KCNQ5: variants seen among roughly 807,000 people sequenced by gnomAD.
KCNQ5 encodes the protein potassium voltage-gated channel subfamily KQT member 5.
KCNQ5 carries 30 observed loss-of-function variants against 98.2 expected under a neutral mutation model. The observed-to-expected ratio is 0.31, with a 90% CI of 0.23 to 0.41. The LOEUF is 0.41. Among genes scored for constraint, KCNQ5 ranks in the 10% least tolerant of loss-of-function variants. The pLI is 1.00. For missense variants in KCNQ5, 835 were observed against 1,182.5 expected (o/e 0.71, Z 4.31); for synonymous variants, 458 against 449.4 (o/e 1.02, Z -0.24).
intron 8 of KCNQ5, among the ~76,000 whole-genome samples, chr6:73,121,632 C>G (rs1775755696): frequency 6.6e-6 from 1 of 152,116 alleles, no homozygotes; most frequent in Admixed American, 6.6e-5. Flanking sequence ...TTCAGGACAC[C>G]TAACTACTGT....
chr6:73,170,754 C>CG (rs1777984576), intron 11 of KCNQ5, among the ~76,000 whole-genome samples: 1 of 151,598 alleles, frequency 6.6e-6, no homozygotes, highest in Admixed American at 6.6e-5. Context: ...GCCAACTTGA[C>CG]GAAACCCTGT....
intron 1 of KCNQ5, among the ~76,000 whole-genome samples, chr6:72,771,212 G>A (rs1772857405): frequency 6.6e-6 from 1 of 152,086 alleles, no homozygotes; most frequent in Non-Finnish European, 1.5e-5. Context: ...GGCAGACAGT[G>A]ACAACAGCAG....
chr6:73,078,373 CA>C lies in KCNQ5; in HGVS notation c.918+490del, dbSNP rs1439403637. 1.2e-4 allele frequency among the ~76,000 whole-genome samples: 19 copies of C among 152,020 alleles called. No homozygotes were observed. The East Asian group carries it at 1.3e-3, about 11-fold the overall frequency. On this transcript the variant is annotated intron_variant, in intron 5 of 13. Transcript: ENST00000370398. ...ATCAGAGATTATAGTCACCTAATTT[CA>C]AAACTTTCCTCTCAAAACCTACTTT...
chr6:72,870,705 A>C (rs116193264), intron 1 of KCNQ5, among the ~76,000 whole-genome samples: 2,118 of 152,312 alleles, frequency 0.014, 39 homozygotes, highest in African/African-American at 0.049. Context: ...GTTCTAAAAA[A>C]TTACTTATTT....
intron 1 of KCNQ5, among the ~76,000 whole-genome samples, chr6:72,786,731 G>A (rs1003750268): frequency 7.9e-5 from 12 of 152,024 alleles, no homozygotes; most frequent in African/African-American, 2.4e-4. Flanking sequence ...CCTGGGCCGG[G>A]CGCGGTGGCT....
chr6:73,055,758 T>C (rs1287132090), intron 3 of KCNQ5: 1 of 1,017,242 alleles, frequency 9.8e-7, no homozygotes, highest in Non-Finnish European at 1.5e-6. Context: ...GACAAGAACT[T>C]GAAGCCCATC....
intron 11 of KCNQ5, among the ~76,000 whole-genome samples, chr6:73,178,630 G>A (rs939820523): frequency 4.6e-5 from 7 of 151,878 alleles, no homozygotes; most frequent in African/African-American, 1.7e-4. Context: ...CACACGTGGA[G>A]CTAATTTACA....
At chr6:73,176,562 C>A (rs1778222905) in intron 11 of KCNQ5, among the ~76,000 whole-genome samples, 4 of 152,174 alleles carry the variant, frequency 2.6e-5, no homozygotes, top group Admixed American at 2.6e-4. Flanking sequence ...ACTCTGATTG[C>A]AATGTAAGGA....
At chr6:72,883,281 A>T (rs1458902630) in intron 1 of KCNQ5, among the ~76,000 whole-genome samples, 1 of 152,140 alleles carries the variant, frequency 6.6e-6, no homozygotes, top group East Asian at 1.9e-4. Context: ...GTAGTAGTTG[A>T]TGCCTCCTGT....
intron 1 of KCNQ5, among the ~76,000 whole-genome samples, chr6:72,721,407 C>A (rs1582169035): frequency 6.7e-6 from 1 of 148,962 alleles, no homozygotes. Context: ...TTGATTTGCA[C>A]TTTTTTTTTT....
intron 10 of KCNQ5, among the ~76,000 whole-genome samples, chr6:73,154,905 T>A (rs756232516): frequency 6.6e-6 from 1 of 151,756 alleles, no homozygotes; most frequent in Non-Finnish European, 1.5e-5. Context: ...AACAAAAAAA[T>A]TAACCATAGT....
chr6:72,754,906 G>T (rs972063873), intron 1 of KCNQ5, among the ~76,000 whole-genome samples: 1 of 151,792 alleles, frequency 6.6e-6, no homozygotes, highest in African/African-American at 2.4e-5. Flanking sequence ...GTGTTGAAAT[G>T]TCCAACTATA....
chr6:72,894,481 G>A (rs989773298), intron 1 of KCNQ5, among the ~76,000 whole-genome samples: 93 of 152,238 alleles, frequency 6.1e-4, no homozygotes, highest in Middle Eastern at 3.4e-3. Context: ...TTTTCCAAGA[G>A]GTTATGTCTC....
At chr6:73,144,109 G>A (rs1212841904) in intron 10 of KCNQ5, among the ~76,000 whole-genome samples, 1 of 152,072 alleles carries the variant, frequency 6.6e-6, no homozygotes, top group Non-Finnish European at 1.5e-5. Flanking sequence ...AAGAAGGGGG[G>A]AAACAAGGTT....
intron 1 of KCNQ5, among the ~76,000 whole-genome samples, chr6:72,642,374 G>T (rs1228300335): frequency 6.6e-6 from 1 of 151,718 alleles, no homozygotes; most frequent in African/African-American, 2.4e-5. Flanking sequence ...AGGATGTGCA[G>T]GTTTGTTACA....
At chr6:73,144,633 G>A (rs753994774) in intron 10 of KCNQ5, among the ~76,000 whole-genome samples, 4 of 152,128 alleles carry the variant, frequency 2.6e-5, no homozygotes, top group Admixed American at 6.5e-5. Flanking sequence ...CTCAGATTTA[G>A]TGGCTTAAAA....
intron 1 of KCNQ5, among the ~76,000 whole-genome samples, chr6:72,961,046 G>A (rs975214480): frequency 6.6e-6 from 1 of 152,316 alleles, no homozygotes; most frequent in Admixed American, 6.5e-5. Flanking sequence ...GAGGTAGAAG[G>A]ATAGCTTGAG....
intron 1 of KCNQ5, among the ~76,000 whole-genome samples, chr6:72,919,659 A>G (rs1038316437): frequency 1.1e-4 from 16 of 152,302 alleles, no homozygotes; most frequent in African/African-American, 3.4e-4. Flanking sequence ...TCTGAAAAAA[A>G]AATTAATCAT....
chr6:72,933,431 T>C (rs551403107), intron 1 of KCNQ5, among the ~76,000 whole-genome samples: 40 of 152,250 alleles, frequency 2.6e-4, no homozygotes, highest in Admixed American at 2.3e-3. Flanking sequence ...CTGTTGGCGG[T>C]GGAGGGGATG....
Sources: gnomAD v4.1 joint callset for allele counts (sites outside exome capture counted in the v4.1 genomes callset) on GRCh38, gnomAD v4.1.1 for gene constraint, MANE v1.5 for transcripts, NCBI Gene and HGNC (gene_info 2026-07-23, HGNC 2026-07-21) for gene names.